The following ATG10 variants were observed in gnomAD, a reference collection of about 807,000 sequenced individuals.
The protein encoded by ATG10 is ubiquitin-like-conjugating enzyme ATG10.
Under a neutral mutation model 32.1 loss-of-function variants are expected in ATG10, and 30 were observed. The observed-to-expected ratio is 0.94, with a 90% CI of 0.70 to 1.27. The LOEUF is 1.27. Among genes scored for constraint, ATG10 ranks in the 50% most tolerant of loss-of-function variants. The pLI, the probability that ATG10 is intolerant of heterozygous loss-of-function variation, is 0.00. For synonymous variants in ATG10, 87 were observed against 91.5 expected (o/e 0.95, Z 0.28); for missense variants, 233 against 262.3 (o/e 0.89, Z 0.77).
intron 3 of ATG10, among the ~76,000 whole-genome samples, chr5:82,076,897 A>G (rs1764292058): frequency 6.6e-6 from 1 of 152,208 alleles, no homozygotes; most frequent in Non-Finnish European, 1.5e-5. Flanking sequence ...CCACATTTTC[A>G]GATCGCCTAA....
At chr5:82,085,371 A>G (rs1253111001) in intron 3 of ATG10, among the ~76,000 whole-genome samples, 1 of 151,970 alleles carries the variant, frequency 6.6e-6, no homozygotes. Flanking sequence ...AGACTCCCAC[A>G]CAATAATAAT....
intron 2 of ATG10, among the ~76,000 whole-genome samples, chr5:82,043,242 C>T (rs536750033): frequency 1.5e-4 from 23 of 152,322 alleles, no homozygotes; most frequent in East Asian, 3.9e-4. Flanking sequence ...CCTCTGAAGC[C>T]GTGGCCCTAG....
intron 3 of ATG10, among the ~76,000 whole-genome samples, chr5:82,151,152 T>G (rs1341308112): frequency 2.0e-5 from 3 of 152,222 alleles, no homozygotes; most frequent in Non-Finnish European, 4.4e-5. Flanking sequence ...ACAACTATAA[T>G]TTATATTTAC....
intron 1 of ATG10, among the ~76,000 whole-genome samples, chr5:81,977,929 T>C (rs1678921739): frequency 6.6e-6 from 1 of 152,232 alleles, no homozygotes; most frequent in Admixed American, 6.5e-5. Context: ...AAAGGGAATG[T>C]GCCTTTCATT....
At chr5:82,194,734 G>A (rs1744787312) in intron 5 of ATG10, among the ~76,000 whole-genome samples, 2 of 152,112 alleles carry the variant, frequency 1.3e-5, no homozygotes, top group Admixed American at 6.6e-5. Flanking sequence ...TAAAAGTAGG[G>A]CCCAAAAAGA....
intron 2 of ATG10, among the ~76,000 whole-genome samples, chr5:81,989,166 C>T (rs1055842537): frequency 3.3e-5 from 5 of 152,226 alleles, no homozygotes; most frequent in African/African-American, 4.8e-5. Flanking sequence ...GAAATCCCTT[C>T]CTTAGAGAAT....
chr5:82,045,513 C>T (rs914264782), intron 2 of ATG10, among the ~76,000 whole-genome samples: 10 of 152,114 alleles, frequency 6.6e-5, no homozygotes, highest in African/African-American at 2.2e-4. Flanking sequence ...TCTCCTCCTT[C>T]TGCTGTTCTG....
chr5:81,984,234 G>A (rs914503813), intron 1 of ATG10, among the ~76,000 whole-genome samples: 1 of 152,258 alleles, frequency 6.6e-6, no homozygotes, highest in African/African-American at 2.4e-5. Context: ...AGACCAGCCC[G>A]GCCAACACAG....
intron 3 of ATG10, among the ~76,000 whole-genome samples, chr5:82,116,317 A>G (rs988917396): frequency 2.6e-5 from 4 of 152,106 alleles, no homozygotes; most frequent in African/African-American, 7.2e-5. Flanking sequence ...AGCAGATAAT[A>G]ATTATGATTA....
At position 81,972,057 on chromosome 5, in the gene ATG10, C is replaced by G. The variant is rs543141983; in HGVS notation, c.-262C>G. Reference sequence around the variant, plus strand: ...ACGCTCCGACTCGGCCGTGGCGGACCTGACTGAAGGAGGCCGCGGACCTGA... The same window carrying G: ...ACGCTCCGACTCGGCCGTGGCGGACGTGACTGAAGGAGGCCGCGGACCTGA... On this transcript the variant is annotated 5_prime_UTR_variant, in exon 1 of 8. Coordinates refer to ENST00000282185, the MANE Select transcript of ATG10 (RefSeq NM_031482.5). The G allele has an allele frequency of 2.4e-3, 371 of 151,922 alleles. No homozygotes were observed. Among genetic ancestry groups the G allele is most frequent in the African/African-American group, 8.8e-3 (362 of 41,356 alleles). 9.4% of individuals were successfully genotyped at this position (151,922 alleles called of 1,614,324 possible).
intron 2 of ATG10, among the ~76,000 whole-genome samples, chr5:82,024,347 A>C (rs1032470506): frequency 1.2e-4 from 18 of 152,344 alleles, no homozygotes; most frequent in Admixed American, 2.0e-4. Flanking sequence ...GCATTACTCA[A>C]AGCGTGGCCT....
At chr5:82,052,530 T>C (rs1763464457) in intron 2 of ATG10, among the ~76,000 whole-genome samples, 1 of 152,168 alleles carries the variant, frequency 6.6e-6, no homozygotes. Context: ...AAAGGGCAAT[T>C]AATTATTTGT....
At chr5:82,087,410 G>T (rs1764730017) in intron 3 of ATG10, among the ~76,000 whole-genome samples, 1 of 152,138 alleles carries the variant, frequency 6.6e-6, no homozygotes, top group South Asian at 2.1e-4. Flanking sequence ...GGGCTTAGGG[G>T]ATCTGTCTGA....
intron 2 of ATG10, among the ~76,000 whole-genome samples, chr5:81,996,331 G>A (rs1429349914): frequency 6.6e-6 from 1 of 152,120 alleles, no homozygotes; most frequent in Non-Finnish European, 1.5e-5. Context: ...TTGACTTCCT[G>A]GGCTGAAGGG....
At chr5:82,073,882 G>A (rs1002853897) in intron 3 of ATG10, among the ~76,000 whole-genome samples, 3 of 152,152 alleles carry the variant, frequency 2.0e-5, no homozygotes, top group African/African-American at 7.2e-5. Context: ...TAACCTTAAG[G>A]CAGCTTTACT....
chr5:81,984,540 G>C (rs898693911), intron 1 of ATG10, among the ~76,000 whole-genome samples: 2 of 152,242 alleles, frequency 1.3e-5, no homozygotes, highest in Middle Eastern at 3.2e-3. Context: ...TCTGAATTTA[G>C]TTTAAGATAG....
intron 3 of ATG10, among the ~76,000 whole-genome samples, chr5:82,118,994 G>T (rs1043136788): frequency 3.3e-5 from 5 of 152,150 alleles, no homozygotes; most frequent in African/African-American, 1.2e-4. Context: ...GTTTTAGGAA[G>T]ACCAGAGATT....
chr5:82,116,234 G>C (rs1350952724), intron 3 of ATG10, among the ~76,000 whole-genome samples: 2 of 151,896 alleles, frequency 1.3e-5, no homozygotes, highest in Admixed American at 6.6e-5. Flanking sequence ...TATAGTAGTT[G>C]GCATTGAATT....
chr5:82,243,542 CCT>C (rs1350144590), intron 5 of ATG10, among the ~76,000 whole-genome samples: 2 of 151,918 alleles, frequency 1.3e-5, no homozygotes, highest in African/African-American at 4.8e-5. Flanking sequence ...AGGTAAGAAT[CCT>C]TTTTTGGCAG....
Sources: gnomAD v4.1 joint callset for allele counts (sites outside exome capture counted in the v4.1 genomes callset) on GRCh38, gnomAD v4.1.1 for gene constraint, MANE v1.5 for transcripts, NCBI Gene and HGNC (gene_info 2026-07-23, HGNC 2026-07-21) for gene names.